SNTG1: variants seen among roughly 807,000 people sequenced by gnomAD.
The protein encoded by SNTG1 is syntrophin gamma 1, also known as gamma-1-syntrophin.
In SNTG1, 39 loss-of-function variants were observed where a neutral mutation model predicts 74.7. The ratio of observed to expected loss-of-function variants is 0.52; its 90% confidence interval spans 0.40 to 0.68. The LOEUF is 0.68. Ranked by LOEUF, SNTG1 falls within the 30% of genes least tolerant of loss-of-function variation. The pLI, the probability that SNTG1 is intolerant of heterozygous loss-of-function variation, is 0.00. For missense variants in SNTG1, 685 were observed against 609.5 expected (o/e 1.12, Z -1.30); for synonymous variants, 254 against 217.1 (o/e 1.17, Z -1.49).
At chr8:50,091,051 A>C (rs548488882) in intron 1 of SNTG1, among the ~76,000 whole-genome samples, 2 of 152,280 alleles carry the variant, frequency 1.3e-5, no homozygotes, top group South Asian at 4.1e-4. Context: ...ATGAATTCTT[A>C]CTTTCCCATG....
At chr8:50,083,254 C>T (rs1051513669) in intron 1 of SNTG1, among the ~76,000 whole-genome samples, 1 of 152,034 alleles carries the variant, frequency 6.6e-6, no homozygotes, top group Non-Finnish European at 1.5e-5. Context: ...CTGATTTGAC[C>T]GTTTGTTCAA....
chr8:50,150,338 A>G (rs1441216881), intron 1 of SNTG1, among the ~76,000 whole-genome samples: 1 of 152,194 alleles, frequency 6.6e-6, no homozygotes, highest in African/African-American at 2.4e-5. Context: ...GTCATCTGCA[A>G]ACAGGGACAA....
At chr8:50,439,599 T>A (rs2093338661) in intron 5 of SNTG1, among the ~76,000 whole-genome samples, 1 of 151,912 alleles carries the variant, frequency 6.6e-6, no homozygotes. Context: ...TTTATCAAAG[T>A]GAAACTTTAT....
At chr8:50,655,033 G>C (rs1367090747) in intron 13 of SNTG1, among the ~76,000 whole-genome samples, 2 of 152,048 alleles carry the variant, frequency 1.3e-5, no homozygotes, top group Non-Finnish European at 2.9e-5. Flanking sequence ...AAGTTGACCC[G>C]CATTTGTATT....
At chr8:50,094,442 G>A (rs1403377915) in intron 1 of SNTG1, among the ~76,000 whole-genome samples, 1 of 151,974 alleles carries the variant, frequency 6.6e-6, no homozygotes, top group Admixed American at 6.6e-5. Context: ...GTCTGACAAA[G>A]GTCTAATATC....
chr8:50,576,713 C>G (rs1252887977), intron 12 of SNTG1, among the ~76,000 whole-genome samples: 1 of 151,856 alleles, frequency 6.6e-6, no homozygotes, highest in African/African-American at 2.4e-5. Flanking sequence ...CTCTTTGATA[C>G]TTTTGATACT....
intron 8 of SNTG1, among the ~76,000 whole-genome samples, chr8:50,501,336 T>TC (rs2093950737): frequency 6.6e-6 from 1 of 151,850 alleles, no homozygotes. Flanking sequence ...CTTCTGTCTT[T>TC]CAGAGTTCTT....
intron 1 of SNTG1, among the ~76,000 whole-genome samples, chr8:50,040,493 A>G (rs1442727590): frequency 1.3e-5 from 2 of 152,214 alleles, no homozygotes; most frequent in African/African-American, 4.8e-5. Context: ...TGTGCAAACT[A>G]CACCATTAAA....
intron 1 of SNTG1, among the ~76,000 whole-genome samples, chr8:49,954,721 T>C (rs886401213): frequency 2.6e-5 from 4 of 152,022 alleles, no homozygotes; most frequent in Non-Finnish European, 5.9e-5. Flanking sequence ...AAGTCCAGAG[T>C]TTTTCTTTTC....
chr8:50,270,976 T>G (rs2087748452), intron 2 of SNTG1, among the ~76,000 whole-genome samples: 1 of 152,188 alleles, frequency 6.6e-6, no homozygotes, highest in African/African-American at 2.4e-5. Flanking sequence ...GCTTGCTGCC[T>G]CTGTTTTTGC....
chr8:50,361,363 G>C lies in SNTG1; in HGVS notation c.-27-32849G>C, dbSNP rs143004304. Among the ~76,000 whole-genome samples, 75 of 152,220 alleles carry C rather than the reference G, an allele frequency of 4.9e-4. No individual in the cohort carries two copies. In the East Asian group the frequency reaches 0.014, roughly 29 times the overall value. On this transcript the variant is annotated intron_variant, in intron 2 of 18. Transcript: ENST00000642720. Reference sequence around the variant, plus strand: ...TGTGCCTGAAGCTCTTCTTGAGGAGGAGTCACATTTTTAGAAATATGTCCA... The same window carrying C: ...TGTGCCTGAAGCTCTTCTTGAGGAGCAGTCACATTTTTAGAAATATGTCCA...
rs1231974492 is a variant in SNTG1, at chr8:50,699,771, G to A, written c.1039-4829G>A. On this transcript the variant is annotated intron_variant, in intron 15 of 18. Coordinates refer to ENST00000642720, the MANE Select transcript of SNTG1 (RefSeq NM_018967.5). ...CTATGACAAAAGAGAAATGCATGCA[G>A]AGAGCAAGCCATAGAAGGCAAGTTA... Among the ~76,000 whole-genome samples the A allele has an allele frequency of 2.0e-5, 3 of 152,294 alleles. No individual in the cohort carries two copies. In the East Asian group the frequency reaches 5.8e-4, roughly 29 times the overall value.
chr8:50,737,526 A>C (rs1253181979), intron 17 of SNTG1, among the ~76,000 whole-genome samples: 1 of 152,166 alleles, frequency 6.6e-6, no homozygotes, highest in African/African-American at 2.4e-5. Context: ...TCCAAAAAAT[A>C]GCAAGAGAGG....
At chr8:49,914,525 T>C (rs1014559583) in intron 1 of SNTG1, among the ~76,000 whole-genome samples, 2 of 152,162 alleles carry the variant, frequency 1.3e-5, no homozygotes, top group Non-Finnish European at 2.9e-5. Context: ...ATCCATTCAA[T>C]TGCCTTCTTC....
rs371926558 is a variant in SNTG1, at chr8:50,656,106, C to T, written c.850-803C>T. ...TTAACTCTGCCAACCATAAAGCCAA[C>T]GTAAATTATATGAAGTGGGAGGTAT... is the stretch of plus-strand genomic sequence containing the variant. On this transcript the variant is annotated intron_variant, in intron 13 of 18. Coordinates refer to ENST00000642720, the MANE Select transcript of SNTG1 (RefSeq NM_018967.5). 3.7e-3 allele frequency among the ~76,000 whole-genome samples: 558 copies of T among 152,116 alleles called. 3 individuals are homozygous for T. Among genetic ancestry groups the T allele is most frequent in the African/African-American group, 0.011 (464 of 41,524 alleles).
At chr8:50,258,795 C>A (rs1464561240) in intron 2 of SNTG1, among the ~76,000 whole-genome samples, 1 of 151,804 alleles carries the variant, frequency 6.6e-6, no homozygotes, top group African/African-American at 2.4e-5. Flanking sequence ...ATGTATGATG[C>A]CATTAAATAC....
At chr8:50,193,020 T>C (rs533650386) in intron 2 of SNTG1, among the ~76,000 whole-genome samples, 2 of 152,154 alleles carry the variant, frequency 1.3e-5, no homozygotes, top group East Asian at 3.9e-4. Flanking sequence ...TGCCTTTTTT[T>C]ATACCAGTAC....
At chr8:50,274,531 T>C (rs76661173) in intron 2 of SNTG1, among the ~76,000 whole-genome samples, 10,749 of 152,218 alleles carry the variant, frequency 0.071, 421 homozygotes, top group African/African-American at 0.086. Flanking sequence ...AATTTGTATA[T>C]TTTAAAATTT....
intron 1 of SNTG1, among the ~76,000 whole-genome samples, chr8:49,966,199 G>A (rs1276192136): frequency 6.6e-6 from 1 of 151,994 alleles, no homozygotes; most frequent in Admixed American, 6.6e-5. Flanking sequence ...TTGAAGCTTT[G>A]GTAAAGTTGC....
Sources: allele counts gnomAD v4.1 joint callset (sites outside exome capture counted in the v4.1 genomes callset), GRCh38; gene constraint gnomAD v4.1.1; transcripts MANE v1.5; gene names NCBI Gene and HGNC (gene_info 2026-07-23, HGNC 2026-07-21).